The following GSK3B variants were observed in gnomAD, a reference collection of about 807,000 sequenced individuals.
GSK3B encodes glycogen synthase kinase-3 beta.
In GSK3B, 15 loss-of-function variants were observed where a neutral mutation model predicts 56.4. That is an observed-to-expected ratio of 0.27 (90% CI 0.18 to 0.41). GSK3B has a LOEUF of 0.41. GSK3B is among the 10% of genes least tolerant of loss of function. The pLI is 1.00. For missense variants in GSK3B, 300 were observed against 513.4 expected, an observed-to-expected ratio of 0.58 and a Z score of 4.02; for synonymous variants, 181 against 188.9, an observed-to-expected ratio of 0.96 and a Z score of 0.34.
intron 1 of GSK3B, among the ~76,000 whole-genome samples, chr3:120,080,059 C>T (rs72971017): frequency 0.012 from 1,845 of 152,174 alleles, 33 homozygotes; most frequent in African/African-American, 0.042. Context: ...CTTTGAGAGA[C>T]CAAGGTGGCT....
At chr3:119,998,266 GCTTA>G (rs1485972130) in intron 2 of GSK3B, among the ~76,000 whole-genome samples, 1 of 152,154 alleles carries the variant, frequency 6.6e-6, no homozygotes, top group Non-Finnish European at 1.5e-5. Flanking sequence ...TCTGTCTTGG[GCTTA>G]CTGTTTTTCC....
At chr3:120,013,029 T>A (rs1200018076) in intron 1 of GSK3B, among the ~76,000 whole-genome samples, 1 of 152,080 alleles carries the variant, frequency 6.6e-6, no homozygotes, top group Non-Finnish European at 1.5e-5. Flanking sequence ...TTTAGGCATA[T>A]CCCAAAATAA....
At chr3:119,833,184 G>A (rs75506609) in intron 10 of GSK3B, among the ~76,000 whole-genome samples, 2,333 of 140,056 alleles carry the variant, frequency 0.017, 56 homozygotes, top group African/African-American at 0.059. Flanking sequence ...TTGATCAAAG[G>A]TGCAAATGAG....
intron 2 of GSK3B, among the ~76,000 whole-genome samples, chr3:119,961,229 C>T (rs2057268486): frequency 6.6e-6 from 1 of 152,138 alleles, no homozygotes; most frequent in South Asian, 2.1e-4. Flanking sequence ...CCTCACAGGG[C>T]CAGGCTTGAA....
At chr3:119,901,445 A>G (rs2056624342) in intron 7 of GSK3B, among the ~76,000 whole-genome samples, 1 of 152,186 alleles carries the variant, frequency 6.6e-6, no homozygotes, top group Non-Finnish European at 1.5e-5. Flanking sequence ...ATCTGTTCTT[A>G]TACTTTTAAC....
chr3:119,866,504 GTAAT>G (rs2056184408), intron 8 of GSK3B: 1 of 821,388 alleles, frequency 1.2e-6, no homozygotes, highest in African/African-American at 1.7e-5. Context: ...TCAAGAATGA[GTAAT>G]TATTTAGCCT....
chr3:119,846,416 T>C (rs1231978206), intron 9 of GSK3B, among the ~76,000 whole-genome samples: 1 of 152,114 alleles, frequency 6.6e-6, no homozygotes, highest in African/African-American at 2.4e-5. Flanking sequence ...ATCCAGAATC[T>C]ACAAGGAACT....
At chr3:119,996,195 A>G (rs1018910615) in intron 2 of GSK3B, among the ~76,000 whole-genome samples, 21 of 152,252 alleles carry the variant, frequency 1.4e-4, no homozygotes, top group African/African-American at 4.8e-4. Context: ...TTGGTGAAAT[A>G]CCCACACAAT....
intron 10 of GSK3B, among the ~76,000 whole-genome samples, chr3:119,832,055 G>A (rs2055610647): frequency 6.6e-6 from 1 of 152,210 alleles, no homozygotes; most frequent in Admixed American, 6.5e-5. Context: ...GGACTGACCT[G>A]TGTAACTAAT....
chr3:119,876,769 T>C (rs1177588915), intron 7 of GSK3B, among the ~76,000 whole-genome samples: 1 of 152,148 alleles, frequency 6.6e-6, no homozygotes, highest in Non-Finnish European at 1.5e-5. Flanking sequence ...AATGGACTCA[T>C]GTCATTAAAG....
chr3:119,918,430 A>G (rs1026052647), intron 4 of GSK3B, among the ~76,000 whole-genome samples: 10 of 152,020 alleles, frequency 6.6e-5, no homozygotes, highest in African/African-American at 2.4e-4. Flanking sequence ...AGAATGCACC[A>G]CTGCACTCCA....
Position 119,825,021 on chromosome 3 carries a change from G to C in GSK3B, c.*1767C>G, listed in dbSNP as rs1192574787. ...GTGGCAATGAGGAGGGTGAGGGCAA[G>C]TTACACACAACCATGGGCTCAGCTC... is the stretch of plus-strand genomic sequence containing the variant. On this transcript the variant is annotated 3_prime_UTR_variant, in exon 11 of 11. Coordinates refer to ENST00000264235, the MANE Select transcript of GSK3B (RefSeq NM_001146156.2). The C allele has an allele frequency of 1.1e-5, 2 of 189,428 alleles. No individual in the cohort carries two copies. The highest frequency in any genetic ancestry group is 2.3e-5 in the African/African-American group (1 of 42,868). The allele number at this position is 189,428 out of a possible 1,614,324, so 11.7% of individuals were successfully genotyped here.
At chr3:120,087,203 A>G (rs2058470035) in intron 1 of GSK3B, among the ~76,000 whole-genome samples, 1 of 152,214 alleles carries the variant, frequency 6.6e-6, no homozygotes, top group Admixed American at 6.5e-5. Flanking sequence ...ACATTGATGC[A>G]TAGCTGTTAT....
chr3:120,065,223 G>A (rs1200044053), intron 1 of GSK3B, among the ~76,000 whole-genome samples: 3 of 152,044 alleles, frequency 2.0e-5, no homozygotes, highest in Non-Finnish European at 4.4e-5. Flanking sequence ...ATCTGACAAA[G>A]GTGAAGTATC....
chr3:120,028,361 T>C (rs180727597), intron 1 of GSK3B, among the ~76,000 whole-genome samples: 48 of 152,292 alleles, frequency 3.2e-4, no homozygotes, highest in Admixed American at 2.6e-3. Flanking sequence ...CAGATTTACC[T>C]CACGAGAAAC....
intron 1 of GSK3B, among the ~76,000 whole-genome samples, chr3:120,078,655 C>A (rs555523273): frequency 6.6e-6 from 1 of 151,004 alleles, no homozygotes; most frequent in Non-Finnish European, 1.5e-5. Flanking sequence ...GGGGTTCAAG[C>A]GATTCTTCTG....
chr3:119,865,334 T>A (rs2056161923), intron 8 of GSK3B, among the ~76,000 whole-genome samples: 1 of 150,778 alleles, frequency 6.6e-6, no homozygotes, highest in South Asian at 2.1e-4. Flanking sequence ...CATTCAAATG[T>A]AGGATGGCTG....
intron 2 of GSK3B, among the ~76,000 whole-genome samples, chr3:119,978,662 T>A (rs2057431427): frequency 6.6e-6 from 1 of 151,620 alleles, no homozygotes; most frequent in Non-Finnish European, 1.5e-5. Context: ...TTTTCCCTCA[T>A]CCTCCCTTTT....
chr3:120,062,911 G>T (rs1331331992), intron 1 of GSK3B, among the ~76,000 whole-genome samples: 1 of 152,134 alleles, frequency 6.6e-6, no homozygotes, highest in Non-Finnish European at 1.5e-5. Context: ...CTTTAGAGCA[G>T]ATTACAATAC....
Sources: gnomAD v4.1 joint callset for allele counts (sites outside exome capture counted in the v4.1 genomes callset) on GRCh38, gnomAD v4.1.1 for gene constraint, MANE v1.5 for transcripts, NCBI Gene and HGNC (gene_info 2026-07-23, HGNC 2026-07-21) for gene names.